The following NARS2 variants were observed in gnomAD, a reference collection of about 807,000 sequenced individuals.
The protein encoded by NARS2 is asparaginyl-tRNA synthetase.
Under a neutral mutation model 62.9 loss-of-function variants are expected in NARS2, and 60 were observed. The observed-to-expected ratio is 0.95, with a 90% CI of 0.77 to 1.18. The LOEUF (loss-of-function observed/expected upper bound fraction) is 1.18. NARS2 is among the 50% of genes most tolerant of loss of function. The pLI is 0.00. For missense variants in NARS2, 619 were observed against 576.4 expected (o/e 1.07, Z -0.76); for synonymous variants, 196 against 200.0 (o/e 0.98, Z 0.17).
chr11:78,492,079 T>C (rs1360417179), intron 7 of NARS2, among the ~76,000 whole-genome samples: 2 of 150,330 alleles, frequency 1.3e-5, no homozygotes, highest in East Asian at 3.9e-4. Flanking sequence ...TAAATTATGC[T>C]AAGTACTTCA....
intron 7 of NARS2, among the ~76,000 whole-genome samples, chr11:78,490,038 CA>C (rs1002842862): frequency 9.2e-4 from 139 of 151,894 alleles, no homozygotes; most frequent in African/African-American, 2.8e-3. Flanking sequence ...GACCCTGCCT[CA>C]AAAAACAAAA....
intron 4 of NARS2, among the ~76,000 whole-genome samples, chr11:78,563,855 T>A (rs1326352652): frequency 0.012 from 238 of 19,932 alleles, 10 homozygotes; most frequent in African/African-American, 0.025. Context: ...AAAAAAAATA[T>A]ATATATATAT....
intron 9 of NARS2, among the ~76,000 whole-genome samples, chr11:78,478,029 T>G (rs1462188922): frequency 6.6e-6 from 1 of 152,220 alleles, no homozygotes; most frequent in African/African-American, 2.4e-5. Flanking sequence ...ATCACTGTGG[T>G]AATCTCTTAG....
rs1858715178 is a variant in NARS2 at position 78,468,314 on chromosome 11, AAAAAAAAAAAAAAAG to A, written c.1026+918_1026+932del. 6.9e-5 allele frequency among the ~76,000 whole-genome samples: 10 copies of A among 145,730 alleles called. 1 individual carries two copies. In the South Asian group the frequency reaches 2.1e-3, roughly 30 times the overall value. ...GCTTCTGCAAGCACTAAATCTGAAA[AAAAAAAAAAAAAAAG>A]AAAAAAAAGAAAAAGAAAAACACAC... On this transcript the variant is annotated intron_variant, in intron 10 of 13. Transcript: ENST00000281038.
intron 7 of NARS2, among the ~76,000 whole-genome samples, chr11:78,482,879 AC>A (rs1859416845): frequency 6.6e-6 from 1 of 151,990 alleles, no homozygotes; most frequent in Non-Finnish European, 1.5e-5. Flanking sequence ...GAGTCCTGTA[AC>A]CCATTTTATG....
chr11:78,531,584 C>A (rs1184869038), intron 5 of NARS2, among the ~76,000 whole-genome samples: 1 of 152,024 alleles, frequency 6.6e-6, no homozygotes, highest in Admixed American at 6.6e-5. Context: ...CCATTCACAA[C>A]AGCCAAAAGG....
rs773310811 is a variant in NARS2, at chr11:78,566,207, C to T, written c.438G>A (p.Arg146=). 2.9e-5 allele frequency: 47 copies of T among 1,612,424 alleles called. No individual in the cohort carries two copies. Among genetic ancestry groups the T allele is most frequent in the Non-Finnish European group, 3.7e-5 (44 of 1,178,874 alleles). The change falls in exon 4 of 14, where the codon AGG becomes AGA. Residue 146 remains arginine, a synonymous_variant. Transcript: ENST00000281038. The part of the protein sequence containing the change: ...LEYLRQYPHF[R]CRTNVLGSIL... ...TAGAACCCAGAACGTTAGTCCTACA[C>T]CTAAAGTGAGGATATTGTCGCAGAT...
At chr11:78,474,147 A>G (rs1023581467) in intron 9 of NARS2, among the ~76,000 whole-genome samples, 9 of 152,342 alleles carry the variant, frequency 5.9e-5, no homozygotes, top group Non-Finnish European at 1.0e-4. Flanking sequence ...TTTTGCAGAA[A>G]GAGTGTTTTC....
intron 5 of NARS2, among the ~76,000 whole-genome samples, chr11:78,546,962 A>C (rs1048036937): frequency 6.6e-6 from 1 of 152,238 alleles, no homozygotes; most frequent in African/African-American, 2.4e-5. Context: ...TACCCTTAAA[A>C]AAGGTAAAAG....
At chr11:78,574,127 C>T (rs1377285003) in intron 1 of NARS2, among the ~76,000 whole-genome samples, 7 of 152,162 alleles carry the variant, frequency 4.6e-5, no homozygotes, top group African/African-American at 1.2e-4. Flanking sequence ...ACAGGTAATA[C>T]CCTGGAATCA....
intron 6 of NARS2, among the ~76,000 whole-genome samples, chr11:78,525,577 A>T (rs1376910115): frequency 6.6e-6 from 1 of 152,152 alleles, no homozygotes; most frequent in Non-Finnish European, 1.5e-5. Flanking sequence ...ATGATTACAC[A>T]AATAAAAAAT....
intron 6 of NARS2, 32 bp downstream of exon 6, chr11:78,528,810 A>C (rs1253929648): frequency 6.9e-7 from 1 of 1,450,962 alleles, no homozygotes; most frequent in Admixed American, 1.7e-5. Flanking sequence ...ACCATAATAT[A>C]TCAAAGCAAA....
intron 6 of NARS2, among the ~76,000 whole-genome samples, chr11:78,494,472 T>TC (rs1252755383): frequency 5.3e-4 from 79 of 148,710 alleles, no homozygotes; most frequent in African/African-American, 1.4e-3. Flanking sequence ...TCTTTTTCTT[T>TC]TTTTTTTTTT....
intron 11 of NARS2, among the ~76,000 whole-genome samples, chr11:78,464,804 A>G (rs561350061): frequency 6.6e-6 from 1 of 152,204 alleles, no homozygotes; most frequent in South Asian, 2.1e-4. Flanking sequence ...GTGTTTACAA[A>G]CCTTGAGCTA....
In NARS2 at chr11:78,511,720, A is replaced by G. The variant is rs572193926; in HGVS notation, c.689+17122T>C. Among the ~76,000 whole-genome samples, 6 of 75,224 alleles carry G rather than the reference A, an allele frequency of 8.0e-5. No individual in the cohort carries two copies. In the South Asian group the frequency reaches 2.9e-3, roughly 36 times the overall value. The allele number at this position is 75,224 out of a possible 152,430, so 49.3% of individuals were successfully genotyped here. A position where few individuals can be genotyped will look rare whatever the true frequency, so the allele number is the denominator to read the frequency against. On this transcript the variant is annotated intron_variant, in intron 6 of 13. Transcript: ENST00000281038. ...TGACAGAGCGAGACTCCGTCTCCAA[A>G]GAAAAAAAAAAAAAGAATTTGTCAA...
At chr11:78,563,646 C>T (rs1856625582) in intron 4 of NARS2, among the ~76,000 whole-genome samples, 1 of 149,724 alleles carries the variant, frequency 6.7e-6, no homozygotes, top group Non-Finnish European at 1.5e-5. Flanking sequence ...GCCTGGCCAA[C>T]ATAGTGAAAC....
intron 5 of NARS2, among the ~76,000 whole-genome samples, chr11:78,529,255 T>C (rs1053043474): frequency 6.6e-6 from 1 of 152,238 alleles, no homozygotes; most frequent in African/African-American, 2.4e-5. Context: ...TATGAATTAA[T>C]TTTTAATGTG....
At chr11:78,513,960 A>ACTTG (rs894938977) in intron 6 of NARS2, among the ~76,000 whole-genome samples, 3 of 152,080 alleles carry the variant, frequency 2.0e-5, no homozygotes, top group Non-Finnish European at 4.4e-5. Context: ...CTACACACAC[A>ACTTG]CTTGCTCCCA....
chr11:78,437,136 A>G (rs1297360593), intron 13 of NARS2, among the ~76,000 whole-genome samples: 1 of 152,244 alleles, frequency 6.6e-6, no homozygotes, highest in Non-Finnish European at 1.5e-5. Context: ...TAGATTTACT[A>G]ATTTTCTTGA....
Sources: allele counts gnomAD v4.1 joint callset (sites outside exome capture counted in the v4.1 genomes callset), GRCh38; gene constraint gnomAD v4.1.1; transcripts MANE v1.5; gene names NCBI Gene and HGNC (gene_info 2026-07-23, HGNC 2026-07-21).